The following NPAS3 variants were observed in gnomAD, a reference collection of about 807,000 sequenced individuals.
The protein encoded by NPAS3 is neuronal PAS domain protein 3.
Under a neutral mutation model 73.1 loss-of-function variants are expected in NPAS3, and 14 were observed. The ratio of observed to expected loss-of-function variants is 0.19; its 90% CI spans 0.13 to 0.30. The LOEUF is 0.30. NPAS3 is among the 10% of genes least tolerant of loss of function. The probability of loss-of-function intolerance (pLI) is 1.00; values close to 1 mark genes in which losing one functional copy is unlikely to be tolerated. For missense variants in NPAS3, 1,096 were observed against 1,250.0 expected, an observed-to-expected ratio of 0.88 and a Z score of 1.86; for synonymous variants, 620 against 541.5, an observed-to-expected ratio of 1.14 and a Z score of -2.01.
chr14:32,954,265 A>C (rs2036591608), intron 1 of NPAS3, among the ~76,000 whole-genome samples: 1 of 152,062 alleles, frequency 6.6e-6, no homozygotes, highest in African/African-American at 2.4e-5. Context: ...TCCTGTTCTC[A>C]TGTCTTCTAT....
chr14:33,266,968 G>T (rs1458287979), intron 3 of NPAS3, among the ~76,000 whole-genome samples: 1 of 152,100 alleles, frequency 6.6e-6, no homozygotes, highest in Admixed American at 6.5e-5. Flanking sequence ...AGACACATTT[G>T]GAATATCTGA....
intron 4 of NPAS3, among the ~76,000 whole-genome samples, chr14:33,529,849 G>A (rs2053963181): frequency 6.6e-6 from 1 of 151,992 alleles, no homozygotes; most frequent in African/African-American, 2.4e-5. Context: ...AATAAAATAT[G>A]ATTCCATTGT....
rs1013059632 is a variant in NPAS3 at position 33,384,660 on chromosome 14, G to A, written c.468+17392G>A. Among the ~76,000 whole-genome samples, 10 of 152,282 alleles carry A rather than the reference G, an allele frequency of 6.6e-5. No individual in the cohort carries two copies. The East Asian group carries it at 1.9e-3, about 29-fold the overall frequency. The stretch of plus-strand genomic sequence containing the variant: ...AGGAGAATCACTTGAACCCGGGGAG[G>A]TGGAGGTTGCAGTGGGCCGAGATCG... On this transcript the variant is annotated intron_variant, in intron 4 of 11. Coordinates refer to ENST00000356141, the Ensembl canonical transcript of NPAS3.
chr14:33,536,561 C>A (rs1292999879), intron 4 of NPAS3, among the ~76,000 whole-genome samples: 2 of 152,218 alleles, frequency 1.3e-5, no homozygotes, highest in South Asian at 2.1e-4. Context: ...CTATGCAGTT[C>A]CCATCAGCAC....
intron 6 of NPAS3, among the ~76,000 whole-genome samples, chr14:33,718,319 C>G (rs2061013036): frequency 6.6e-6 from 1 of 151,914 alleles, no homozygotes; most frequent in Admixed American, 6.6e-5. Flanking sequence ...TTCTTGCTAC[C>G]CTACATCTTT....
intron 3 of NPAS3, among the ~76,000 whole-genome samples, chr14:33,313,678 C>T (rs1317818313): frequency 6.6e-6 from 1 of 152,142 alleles, no homozygotes; most frequent in East Asian, 1.9e-4. Flanking sequence ...ATATTATCCT[C>T]GTAATTACTT....
At chr14:33,525,123 A>C (rs1423293567) in intron 4 of NPAS3, among the ~76,000 whole-genome samples, 4 of 152,184 alleles carry the variant, frequency 2.6e-5, no homozygotes, top group African/African-American at 9.6e-5. Flanking sequence ...TACTATTCAT[A>C]ATGTAGAAAA....
intron 3 of NPAS3, among the ~76,000 whole-genome samples, chr14:33,256,912 T>C (rs976441173): frequency 1.4e-4 from 22 of 152,274 alleles, no homozygotes; most frequent in East Asian, 7.7e-4. Context: ...CATCCCCATT[T>C]TACAGACAGG....
At chr14:33,727,212 T>A (rs368939891) in intron 6 of NPAS3, among the ~76,000 whole-genome samples, 1 of 152,062 alleles carries the variant, frequency 6.6e-6, no homozygotes, top group African/African-American at 2.4e-5. Context: ...GCCCCATGGA[T>A]GGCCGCAGAG....
chr14:33,050,044 A>G (rs937587050), intron 1 of NPAS3, among the ~76,000 whole-genome samples: 7 of 152,086 alleles, frequency 4.6e-5, no homozygotes, highest in African/African-American at 1.7e-4. Flanking sequence ...GCGCTGAGGG[A>G]GTTCTGTAGG....
chr14:33,718,781 T>G (rs374067837), intron 6 of NPAS3, among the ~76,000 whole-genome samples: 39 of 152,236 alleles, frequency 2.6e-4, no homozygotes, highest in African/African-American at 8.7e-4. Context: ...TATTACGCCC[T>G]TCGTAGGGAA....
chr14:33,710,905 G>T (rs1331837171), intron 6 of NPAS3, among the ~76,000 whole-genome samples: 5 of 152,162 alleles, frequency 3.3e-5, no homozygotes, highest in African/African-American at 1.2e-4. Flanking sequence ...AGATTACCAG[G>T]TAGCCAGATA....
chr14:33,370,601 G>A (rs1483533907), intron 4 of NPAS3, among the ~76,000 whole-genome samples: 1 of 152,094 alleles, frequency 6.6e-6, no homozygotes, highest in African/African-American at 2.4e-5. Context: ...TTTATTTCTG[G>A]AGTTATCATC....
intron 4 of NPAS3, among the ~76,000 whole-genome samples, chr14:33,419,603 T>C (rs2048293619): frequency 1.3e-5 from 2 of 151,950 alleles, no homozygotes; most frequent in African/African-American, 4.8e-5. Context: ...TTAGTGACCA[T>C]GAATGAGACT....
chr14:33,212,239 ATTGCAG>A (rs2047066275), intron 2 of NPAS3, among the ~76,000 whole-genome samples: 1 of 152,148 alleles, frequency 6.6e-6, no homozygotes, highest in Non-Finnish European at 1.5e-5. Context: ...ACTGTACTTT[ATTGCAG>A]TTGCCCACAA....
Position 33,235,805 on chromosome 14 carries a change from C to CTTTTTT in NPAS3, c.385+20398_385+20403dup, listed in dbSNP as rs35968798. On this transcript the variant is annotated intron_variant, in intron 3 of 11. Transcript: ENST00000356141. ...GACTAAAAGTTCTGTTGATACAATTCTTTTTTTTTTTTTTTTTTTTTTTTG... is the reference window on the plus strand; with the variant it reads ...GACTAAAAGTTCTGTTGATACAATTCTTTTTTTTTTTTTTTTTTTTTTTTTTTTTTG... 3.2e-3 allele frequency among the ~76,000 whole-genome samples: 259 copies of CTTTTTT among 80,608 alleles called. 12 individuals carry two copies. The highest frequency in any genetic ancestry group is 4.4e-3 in the Non-Finnish European group (204 of 46,260). 52.9% of individuals were successfully genotyped at this position (80,608 alleles called of 152,430 possible).
upstream of NPAS3, among the ~76,000 whole-genome samples, chr14:32,935,502 C>G (rs1040767792): frequency 3.3e-5 from 5 of 152,150 alleles, no homozygotes; most frequent in Non-Finnish European, 7.4e-5. Flanking sequence ...ATCATGTCAC[C>G]TGTTACTACA....
At chr14:32,967,021 T>G (rs1330405713) in intron 1 of NPAS3, among the ~76,000 whole-genome samples, 2 of 152,158 alleles carry the variant, frequency 1.3e-5, no homozygotes, top group East Asian at 3.9e-4. Flanking sequence ...TTCACTACTA[T>G]GCATCTGACA....
intron 4 of NPAS3, among the ~76,000 whole-genome samples, chr14:33,555,456 T>G (rs1202340879): frequency 1.3e-5 from 2 of 152,100 alleles, no homozygotes; most frequent in Non-Finnish European, 2.9e-5. Flanking sequence ...TGAAAAAAAA[T>G]TAAAAAGTAG....
Sources: allele counts gnomAD v4.1 joint callset (sites outside exome capture counted in the v4.1 genomes callset), GRCh38; gene constraint gnomAD v4.1.1; transcripts MANE v1.5; gene names NCBI Gene and HGNC (gene_info 2026-07-23, HGNC 2026-07-21).